Variants in LRRC4C observed in about 807,000 individuals in gnomAD.
The protein encoded by LRRC4C is leucine-rich repeat-containing protein 4C.
Under a neutral mutation model 33.6 loss-of-function variants are expected in LRRC4C, and 5 were observed. That is an observed-to-expected ratio of 0.15 (90% CI 0.08 to 0.31). The LOEUF (loss-of-function observed/expected upper bound fraction) is 0.31. Ranked by LOEUF, LRRC4C falls within the 10% of genes least tolerant of loss-of-function variation. The pLI, the probability that LRRC4C is intolerant of heterozygous loss-of-function variation, is 1.00. For synonymous variants in LRRC4C, 329 were observed against 302.0 expected (o/e 1.09, Z -0.93); for missense variants, 560 against 796.7 (o/e 0.70, Z 3.58).
intron 1 of LRRC4C, among the ~76,000 whole-genome samples, chr11:41,154,726 A>G (rs1347653499): frequency 6.6e-6 from 1 of 152,196 alleles, no homozygotes; most frequent in Non-Finnish European, 1.5e-5. Flanking sequence ...AGCCATTATC[A>G]TCCTAAGATG....
intron 1 of LRRC4C, among the ~76,000 whole-genome samples, chr11:41,387,961 T>C (rs992095173): frequency 5.9e-5 from 9 of 151,826 alleles, no homozygotes; most frequent in Non-Finnish European, 1.0e-4. Flanking sequence ...GATATCTTTT[T>C]AAAAAGCTTC....
At chr11:40,735,756 C>G (rs1420681330) in intron 2 of LRRC4C, among the ~76,000 whole-genome samples, 2 of 149,532 alleles carry the variant, frequency 1.3e-5, no homozygotes, top group African/African-American at 5.0e-5. Context: ...AATGGTTGAA[C>G]TAGTTTACAG....
intron 2 of LRRC4C, among the ~76,000 whole-genome samples, chr11:40,728,929 G>GGT (rs1947423974): frequency 7.0e-6 from 1 of 142,638 alleles, no homozygotes; most frequent in Non-Finnish European, 1.5e-5. Context: ...CTAATTCTTG[G>GGT]GTACACATCG....
At chr11:40,274,768 G>A (rs2136378359) in intron 4 of LRRC4C, among the ~76,000 whole-genome samples, 1 of 152,174 alleles carries the variant, frequency 6.6e-6, no homozygotes, top group African/African-American at 2.4e-5. Flanking sequence ...CAGAAAAGAG[G>A]TAACTTACAT....
intron 6 of LRRC4C, among the ~76,000 whole-genome samples, chr11:40,123,887 A>G (rs1856010315): frequency 1.3e-5 from 2 of 152,212 alleles, no homozygotes; most frequent in African/African-American, 4.8e-5. Context: ...GCATAAAAGC[A>G]GACACATACA....
At chr11:40,508,480 T>G (rs1312607784) in intron 3 of LRRC4C, among the ~76,000 whole-genome samples, 2 of 151,902 alleles carry the variant, frequency 1.3e-5, no homozygotes, top group Non-Finnish European at 2.9e-5. Context: ...CAAAAAAAGC[T>G]TAGCCTAAGA....
chr11:41,366,691 TG>T (rs1432927512), intron 1 of LRRC4C, among the ~76,000 whole-genome samples: 2 of 152,098 alleles, frequency 1.3e-5, no homozygotes, highest in Non-Finnish European at 2.9e-5. Flanking sequence ...TAAGTTAAAA[TG>T]AGGTCATGAG....
At chr11:41,076,988 G>A (rs915640574) in intron 1 of LRRC4C, among the ~76,000 whole-genome samples, 5 of 152,286 alleles carry the variant, frequency 3.3e-5, no homozygotes, top group African/African-American at 4.8e-5. Flanking sequence ...AAACCAGGCC[G>A]GGCAGTCATT....
chr11:40,345,547 C>G (rs749008368), intron 3 of LRRC4C, among the ~76,000 whole-genome samples: 2 of 152,046 alleles, frequency 1.3e-5, no homozygotes, highest in Non-Finnish European at 2.9e-5. Context: ...CAAAAATCAA[C>G]TCAAAATAAA....
intron 5 of LRRC4C, among the ~76,000 whole-genome samples, chr11:40,168,040 C>T (rs1404415222): frequency 1.4e-5 from 2 of 147,110 alleles, no homozygotes; most frequent in Non-Finnish European, 3.1e-5. Flanking sequence ...AAAACTCTGT[C>T]TCAAACAAAC....
chr11:40,692,086 A>G (rs531016304), intron 2 of LRRC4C, among the ~76,000 whole-genome samples: 1 of 152,158 alleles, frequency 6.6e-6, no homozygotes, highest in South Asian at 2.1e-4. Flanking sequence ...GTGAGTTACA[A>G]CTTAATCCTC....
At chr11:41,242,545 T>A (rs1488257236) in intron 1 of LRRC4C, among the ~76,000 whole-genome samples, 3 of 152,162 alleles carry the variant, frequency 2.0e-5, no homozygotes, top group Admixed American at 1.3e-4. Context: ...TTACTCATCA[T>A]GTATAGAGGA....
At chr11:40,925,936 T>A (rs1957391717) in intron 2 of LRRC4C, among the ~76,000 whole-genome samples, 1 of 152,178 alleles carries the variant, frequency 6.6e-6, no homozygotes, top group African/African-American at 2.4e-5. Flanking sequence ...ACATGGTATA[T>A]GGTCAATAAT....
At chr11:40,778,767 G>A (rs1187697549) in intron 2 of LRRC4C, among the ~76,000 whole-genome samples, 2 of 152,162 alleles carry the variant, frequency 1.3e-5, no homozygotes, top group Admixed American at 1.3e-4. Context: ...TACCTCAAAG[G>A]TAGAGCAAGT....
intron 5 of LRRC4C, among the ~76,000 whole-genome samples, chr11:40,238,773 C>G (rs1865739054): frequency 1.3e-5 from 2 of 151,946 alleles, no homozygotes; most frequent in African/African-American, 4.8e-5. Flanking sequence ...TTTCTTCTCC[C>G]CTATCTTATT....
chr11:41,327,689 G>A (rs1207834646), intron 1 of LRRC4C, among the ~76,000 whole-genome samples: 2 of 152,164 alleles, frequency 1.3e-5, no homozygotes, highest in African/African-American at 4.8e-5. Context: ...CGTGTCATGG[G>A]AGGGACCCCG....
intron 1 of LRRC4C, among the ~76,000 whole-genome samples, chr11:41,352,404 C>T (rs1591331682): frequency 6.6e-6 from 1 of 152,102 alleles, no homozygotes; most frequent in African/African-American, 2.4e-5. Context: ...ACACAGATAA[C>T]CACAGAATAA....
At chr11:41,361,534 T>C (rs1018317171) in intron 1 of LRRC4C, among the ~76,000 whole-genome samples, 1 of 152,224 alleles carries the variant, frequency 6.6e-6, no homozygotes, top group Non-Finnish European at 1.5e-5. Context: ...ATTCAGATAG[T>C]TCTAGTCACT....
intron 3 of LRRC4C, among the ~76,000 whole-genome samples, chr11:40,343,164 G>A (rs532354533): frequency 1.3e-5 from 2 of 152,106 alleles, no homozygotes; most frequent in South Asian, 4.2e-4. Flanking sequence ...TCATATTAGT[G>A]GAACTCAGCT....
Sources: gnomAD v4.1 joint callset for allele counts (sites outside exome capture counted in the v4.1 genomes callset) on GRCh38, gnomAD v4.1.1 for gene constraint, MANE v1.5 for transcripts, NCBI Gene and HGNC (gene_info 2026-07-23, HGNC 2026-07-21) for gene names.